Variants in LARP6 observed in about 807,000 individuals in gnomAD.
LARP6 encodes La ribonucleoprotein 6, translational regulator.
A neutral mutation model predicts 32.8 loss-of-function variants in LARP6; 18 were observed. That is an observed-to-expected ratio of 0.55 (90% CI 0.38 to 0.81). The LOEUF (loss-of-function observed/expected upper bound fraction) is 0.81, where lower values mean the gene tolerates loss of function less well. LARP6 is among the 40% of genes least tolerant of loss of function. The pLI is 0.00. For synonymous variants in LARP6, 289 were observed against 267.2 expected (o/e 1.08, Z -0.80); for missense variants, 598 against 663.1 (o/e 0.90, Z 1.08).
chr15:70,843,639 G>A (rs901304058), intron 1 of LARP6, among the ~76,000 whole-genome samples: 3 of 144,788 alleles, frequency 2.1e-5, no homozygotes, highest in Non-Finnish European at 4.5e-5. Flanking sequence ...TTTATTTATG[G>A]TTTTGGTGTC....
chr15:70,832,423 G>A lies in LARP6; in HGVS notation c.1105C>T (p.Leu369Phe). Residue 369 changes from leucine to phenylalanine, a missense_variant, in exon 3 of 3, where the codon CTC becomes TTC. Transcript: ENST00000299213. ...GGGGAGGCATTTGGACTCAGAAAGA[G>A]ATTCTGGTGGCCAGACGGGCTGAGC... ...NKLSPSGHQN[L>F]FLSPNASPCT... is the part of the protein sequence containing the mutation. The A allele has an allele frequency of 6.3e-7, 1 of 1,587,812 alleles. No homozygotes were observed. The highest frequency in any genetic ancestry group is 8.6e-7 in the Non-Finnish European group (1 of 1,167,676).
At chr15:70,850,735 C>T (rs888474831) in intron 1 of LARP6, among the ~76,000 whole-genome samples, 9 of 152,152 alleles carry the variant, frequency 5.9e-5, no homozygotes. Context: ...GAGTATGAGG[C>T]ATTCTTGACA....
intron 2 of LARP6, among the ~76,000 whole-genome samples, chr15:70,834,316 G>T (rs1437587595): frequency 6.6e-6 from 1 of 152,174 alleles, no homozygotes; most frequent in East Asian, 1.9e-4. Flanking sequence ...GCTACTAGAA[G>T]AACACGGGTC....
At chr15:70,846,634 A>ATACATACATACC (rs2032351640) in intron 1 of LARP6, among the ~76,000 whole-genome samples, 1 of 151,692 alleles carries the variant, frequency 6.6e-6, no homozygotes, top group South Asian at 2.1e-4. Flanking sequence ...ACATACATAC[A>ATACATACATACC]TACATACATA....
Position 70,832,448 on chromosome 15 carries a change from C to A in LARP6, c.1080G>T (p.Lys360Asn). 1 of 1,564,284 alleles carries A rather than the reference C, an allele frequency of 6.4e-7. No individual in the cohort carries two copies. The highest frequency in any genetic ancestry group is 1.2e-5 in the South Asian group (1 of 81,552). ...GATTCTGGTGGCCAGACGGGCTGAG[C>A]TTGTTGGTGGCCGCGTGCCGTCGGC... ...MAGRRHAATN[K>N]LSPSGHQNLF... The change falls in exon 3 of 3, where the codon AAG becomes AAT. Residue 360 changes from lysine (K) to asparagine (N), a missense_variant. This residue lies in a region of LARP6 where 368 missense variants were observed against 397.9 expected (regional missense o/e 0.92). Coordinates refer to ENST00000299213, the MANE Select transcript of LARP6 (RefSeq NM_018357.4).
At chr15:70,852,318 G>C (rs1219892525) in intron 1 of LARP6, 1 of 455,600 alleles carries the variant, frequency 2.2e-6, no homozygotes. Context: ...CTCAAGCCAC[G>C]GGAGCTGGGC....
rs2032027988 is a variant in LARP6 at position 70,830,908 on chromosome 15, T to G, written c.*1144A>C. 6.6e-6 allele frequency: 1 copy of G among 152,206 alleles called. No individual in the cohort carries two copies. The highest frequency in any genetic ancestry group is 1.5e-5 in the Non-Finnish European group (1 of 68,052). 9.4% of individuals were successfully genotyped at this position (152,206 alleles called of 1,614,324 possible). On this transcript the variant is annotated 3_prime_UTR_variant, in exon 3 of 3. Coordinates refer to ENST00000299213, the MANE Select transcript of LARP6 (RefSeq NM_018357.4). ...TGGAGGGCCAGCTGCATTCCAGACA[T>G]GGACATCGTAACAAAGCAATTCACA...
At chr15:70,845,229 T>C (rs1055812350) in intron 1 of LARP6, among the ~76,000 whole-genome samples, 1 of 152,182 alleles carries the variant, frequency 6.6e-6, no homozygotes, top group Non-Finnish European at 1.5e-5. Context: ...TTTTGCCTAT[T>C]GTCCCTTTTT....
intron 1 of LARP6, chr15:70,848,905 C>T (rs1326879020): frequency 6.6e-6 from 1 of 152,064 alleles, no homozygotes; most frequent in African/African-American, 2.4e-5. Context: ...AATATTATAA[C>T]TTTGAATCAT....
chr15:70,845,451 C>T (rs1029453275), intron 1 of LARP6, among the ~76,000 whole-genome samples: 6 of 152,200 alleles, frequency 3.9e-5, no homozygotes, highest in Non-Finnish European at 7.4e-5. Flanking sequence ...GGGTTTTTGG[C>T]GGGAGGACCA....
At position 70,831,891 on chromosome 15, in the gene LARP6, G is replaced by A. The variant is rs558457155; in HGVS notation, c.*161C>T. On this transcript the variant is annotated 3_prime_UTR_variant, in exon 3 of 3. Coordinates refer to ENST00000299213, the MANE Select transcript of LARP6 (RefSeq NM_018357.4). ...TAGAAGGTGGTCTTCAAACCATGGCGTACCGATTTATGTATATTACAGATA... is the reference window on the plus strand; with the variant it reads ...TAGAAGGTGGTCTTCAAACCATGGCATACCGATTTATGTATATTACAGATA... The A allele has an allele frequency of 1.7e-5, 8 of 472,454 alleles. No homozygotes were observed. The highest frequency in any genetic ancestry group is 2.0e-5 in the African/African-American group (1 of 49,948). 29.3% of individuals were successfully genotyped at this position (472,454 alleles called of 1,614,324 possible). A position where few individuals can be genotyped will look rare whatever the true frequency, so the allele number is the denominator to read the frequency against.
chr15:70,849,113 C>T (rs1017964128), intron 1 of LARP6: 1 of 152,120 alleles, frequency 6.6e-6, no homozygotes, highest in African/African-American at 2.4e-5. Context: ...AATCCCAGCA[C>T]TTTGGGAGGC....
chr15:70,835,512 A>G (rs1455736988), intron 2 of LARP6, among the ~76,000 whole-genome samples: 2 of 152,246 alleles, frequency 1.3e-5, no homozygotes, highest in African/African-American at 4.8e-5. Context: ...GAGGCAGGGA[A>G]GAGGTCCAAG....
chr15:70,851,555 G>C (rs954233474), intron 1 of LARP6: 28 of 1,552,162 alleles, frequency 1.8e-5, no homozygotes, highest in African/African-American at 2.7e-5. Context: ...GGATCTCACT[G>C]TCTAGGGAAG....
chr15:70,832,781 G>A lies in LARP6; in HGVS notation c.747C>T (p.Arg249=). The A allele has an allele frequency of 6.2e-7, 1 of 1,608,362 alleles. No individual in the cohort carries two copies. The highest frequency in any genetic ancestry group is 1.1e-5 in the South Asian group (1 of 89,954). ...LPPDIRRISS[R]YSQVGTQECA... ...ACTCCTGGGTCCCCACTTGGCTGTAGCGGCTGCTGATCCTCCGGATGTCAG... is the reference window on the plus strand; with the variant it reads ...ACTCCTGGGTCCCCACTTGGCTGTAACGGCTGCTGATCCTCCGGATGTCAG... Residue 249 remains arginine (R), a synonymous_variant, in exon 3 of 3, where the codon CGC becomes CGT. Coordinates refer to ENST00000299213, the MANE Select transcript of LARP6 (RefSeq NM_018357.4).
intron 1 of LARP6, 24 bp downstream of exon 1, chr15:70,853,865 T>A (rs1216432279): frequency 1.2e-5 from 15 of 1,253,676 alleles, no homozygotes; most frequent in Non-Finnish European, 1.5e-5. Flanking sequence ...GGGGCCCACC[T>A]CCCGGGCCAG....
Position 70,832,441 on chromosome 15 carries a change from G to T in LARP6, c.1087C>A (p.Pro363Thr). 6.4e-7 allele frequency: 1 copy of T among 1,570,932 alleles called. No individual in the cohort carries two copies. The highest frequency in any genetic ancestry group is 8.6e-7 in the Non-Finnish European group (1 of 1,160,456). Residue 363 changes from proline to threonine, a missense_variant, in exon 3 of 3, where the codon CCG becomes ACG. Coordinates refer to ENST00000299213, the MANE Select transcript of LARP6 (RefSeq NM_018357.4). The stretch of plus-strand genomic sequence containing the variant: ...AGAAAGAGATTCTGGTGGCCAGACG[G>T]GCTGAGCTTGTTGGTGGCCGCGTGC... ...RRHAATNKLS[P>T]SGHQNLFLSP...
chr15:70,848,731 C>CAA (rs879504436), intron 1 of LARP6, among the ~76,000 whole-genome samples: 1 of 133,186 alleles, frequency 7.5e-6, no homozygotes, highest in African/African-American at 2.8e-5. Flanking sequence ...GACTCTGTCT[C>CAA]AAAAAAAAAA....
intron 1 of LARP6, chr15:70,851,569 A>G (rs1450947782): frequency 3.6e-5 from 57 of 1,568,522 alleles, no homozygotes; most frequent in Non-Finnish European, 4.9e-5. Context: ...AGGGAAGGGG[A>G]AACACAAATA....
Sources: allele counts gnomAD v4.1 joint callset (sites outside exome capture counted in the v4.1 genomes callset), GRCh38; gene constraint gnomAD v4.1.1; regional missense constraint gnomAD v4.1.1; transcripts MANE v1.5; gene names NCBI Gene and HGNC (gene_info 2026-07-23, HGNC 2026-07-21).